Variants in NRIP3 observed in about 807,000 individuals in gnomAD.
NRIP3 encodes the protein nuclear receptor-interacting protein 3.
NRIP3 carries 31 observed loss-of-function variants against 29.0 expected under a neutral mutation model. The observed-to-expected ratio is 1.07, with a 90% confidence interval of 0.80 to 1.44. The LOEUF (loss-of-function observed/expected upper bound fraction) is 1.44, where lower values mean the gene tolerates loss of function less well. Among genes scored for constraint, NRIP3 ranks in the 40% most tolerant of loss-of-function variants. NRIP3 has a pLI of 0.00. For missense variants in NRIP3, 314 were observed against 297.9 expected, an observed-to-expected ratio of 1.05 and a Z score of -0.40; for synonymous variants, 131 against 118.3, an observed-to-expected ratio of 1.11 and a Z score of -0.70.
intron 1 of NRIP3, among the ~76,000 whole-genome samples, chr11:9,002,141 G>GACA (rs938242092): frequency 6.6e-6 from 1 of 152,130 alleles, no homozygotes; most frequent in Non-Finnish European, 1.5e-5. Context: ...GAAACTCCTC[G>GACA]ACAACGAGGG....
At position 8,982,965 on chromosome 11, in the gene NRIP3, T is replaced by A. The variant is rs1488823285; in HGVS notation, c.*580A>T. 1.3e-5 allele frequency: 6 copies of A among 456,604 alleles called. No homozygotes were observed. The highest frequency in any genetic ancestry group is 4.6e-5 in the South Asian group (3 of 64,564). 28.3% of individuals were successfully genotyped at this position (456,604 alleles called of 1,614,324 possible). A position where few individuals can be genotyped will look rare whatever the true frequency, so the allele number is the denominator to read the frequency against. On this transcript the variant is annotated 3_prime_UTR_variant, in exon 7 of 7. Transcript: ENST00000309166. ...GGTCCCTTCAGTCACTGACCTAATA[T>A]ATGAACTTAGACAATTCACTTGCCT...
chr11:9,000,822 AC>A (rs1854780730), intron 1 of NRIP3, among the ~76,000 whole-genome samples: 1 of 152,144 alleles, frequency 6.6e-6, no homozygotes, highest in Non-Finnish European at 1.5e-5. Flanking sequence ...TAATCCCAGC[AC>A]TTTGGGAGGC....
intron 1 of NRIP3, among the ~76,000 whole-genome samples, chr11:9,001,047 A>G (rs1392579500): frequency 2.0e-5 from 3 of 152,196 alleles, no homozygotes; most frequent in Non-Finnish European, 4.4e-5. Flanking sequence ...AGCCTGGGCA[A>G]TAGAGTGAGA....
intron 1 of NRIP3, among the ~76,000 whole-genome samples, chr11:8,991,321 A>G (rs1375130208): frequency 2.0e-5 from 3 of 152,236 alleles, no homozygotes; most frequent in Admixed American, 6.5e-5. Context: ...GGCATTTTCT[A>G]TGTCAATATA....
At chr11:8,992,402 T>C (rs1854621296) in intron 1 of NRIP3, among the ~76,000 whole-genome samples, 2 of 152,082 alleles carry the variant, frequency 1.3e-5, no homozygotes, top group Non-Finnish European at 2.9e-5. Context: ...AGTTTAAAGA[T>C]TGAAAGGGCC....
At chr11:8,984,248 G>T in intron 4 of NRIP3, 124 bp from the exon 5 acceptor site, 2 of 621,576 alleles carry the variant, frequency 3.2e-6, no homozygotes, top group Non-Finnish European at 5.6e-6. Context: ...TTGAGCATGT[G>T]TTATTTTTTT....
At chr11:9,001,005 G>A (rs1266808893) in intron 1 of NRIP3, among the ~76,000 whole-genome samples, 1 of 152,068 alleles carries the variant, frequency 6.6e-6, no homozygotes. Flanking sequence ...CGAGGTCGAG[G>A]CTGCAGTAAG....
intron 1 of NRIP3, among the ~76,000 whole-genome samples, chr11:8,990,564 T>A (rs1053457023): frequency 6.6e-6 from 1 of 152,066 alleles, no homozygotes; most frequent in Non-Finnish European, 1.5e-5. Context: ...GGCAGGCGGA[T>A]CTCTTGAGCT....
At position 9,003,802 on chromosome 11, in the gene NRIP3, G is replaced by T. The variant is rs767500355; in HGVS notation, c.134C>A (p.Pro45His). Residue 45 changes from proline to histidine, a missense_variant, in exon 1 of 7, where the codon CCC becomes CAC. Coordinates refer to ENST00000309166, the MANE Select transcript of NRIP3 (RefSeq NM_020645.3). ...GCCCAGCTTCTTGAGGCCGTCCAGG[G>T]GCAGCAGGTCGGCGGAGTCCTTGTG... ...FIHKDSADLL[P>H]LDGLKKLGSS... 7.3e-6 allele frequency: 11 copies of T among 1,508,204 alleles called. No individual in the cohort carries two copies. The East Asian group carries it at 2.3e-4, about 31-fold the overall frequency. 93.4% of individuals were successfully genotyped at this position (1,508,204 alleles called of 1,614,324 possible).
intron 4 of NRIP3, 33 bp downstream of exon 4, chr11:8,985,678 G>A: frequency 6.2e-7 from 1 of 1,604,326 alleles, no homozygotes; most frequent in South Asian, 1.1e-5. Flanking sequence ...GTTTCCGTTA[G>A]GGTCCATAGG....
chr11:8,990,564 T>C (rs1053457023), intron 1 of NRIP3, among the ~76,000 whole-genome samples: 1 of 152,066 alleles, frequency 6.6e-6, no homozygotes, highest in Admixed American at 6.6e-5. Context: ...GGCAGGCGGA[T>C]CTCTTGAGCT....
rs1406545321 is a variant in NRIP3, at chr11:9,003,903, G to A, written c.33C>T (p.Gly11=). Residue 11 remains glycine, a synonymous_variant, in exon 1 of 7, where the codon GGC becomes GGT. Coordinates refer to ENST00000309166, the MANE Select transcript of NRIP3 (RefSeq NM_020645.3). MFYSGLLTEG[G]RKETDMREAA... is the part of the protein sequence containing the mutation. ...CCTCCCGCATGTCGGTCTCCTTGCGGCCGCCCTCAGTGAGGAGCCCTGAGT... is the reference window on the plus strand; with the variant it reads ...CCTCCCGCATGTCGGTCTCCTTGCGACCGCCCTCAGTGAGGAGCCCTGAGT... 4.7e-5 allele frequency: 72 copies of A among 1,521,082 alleles called. No individual in the cohort carries two copies. The highest frequency in any genetic ancestry group is 2.3e-4 in the Middle Eastern group (1 of 4,306). The allele number at this position is 1,521,082 out of a possible 1,614,324, so 94.2% of individuals were successfully genotyped here. A position where few individuals can be genotyped will look rare whatever the true frequency, so the allele number is the denominator to read the frequency against.
chr11:8,992,796 C>G (rs1854630111), intron 1 of NRIP3, among the ~76,000 whole-genome samples: 1 of 152,078 alleles, frequency 6.6e-6, no homozygotes, highest in Admixed American at 6.6e-5. Flanking sequence ...TGCCTGTTAT[C>G]CCAGCTACTC....
intron 1 of NRIP3, among the ~76,000 whole-genome samples, chr11:8,996,041 A>AGTAG (rs1589963707): frequency 6.6e-6 from 1 of 152,218 alleles, no homozygotes; most frequent in Non-Finnish European, 1.5e-5. Context: ...TACAACTTAA[A>AGTAG]GTAGGTAGGT....
chr11:8,995,511 T>C (rs1029280064), intron 1 of NRIP3, among the ~76,000 whole-genome samples: 4 of 152,182 alleles, frequency 2.6e-5, no homozygotes, highest in Admixed American at 6.5e-5. Flanking sequence ...AAAAGTGATA[T>C]TGTACTCTGA....
intron 1 of NRIP3, among the ~76,000 whole-genome samples, chr11:8,998,299 C>A (rs1230875866): frequency 6.6e-6 from 1 of 152,212 alleles, no homozygotes; most frequent in Non-Finnish European, 1.5e-5. Flanking sequence ...CTGCCCCAGG[C>A]CTTCTGTGTT....
chr11:9,004,106 G>A (rs1854869791), upstream of NRIP3: 2 of 516,180 alleles, frequency 3.9e-6, no homozygotes, highest in East Asian at 3.6e-5. Flanking sequence ...CACGCCCCGC[G>A]CGGCTCCCTC....
rs1854511826 is a variant in NRIP3 at position 8,985,789 on chromosome 11, G to C, written c.484C>G (p.Leu162Val). The stretch of plus-strand genomic sequence containing the variant: ...TGCTCAATCTGGCCCACTACTTTGA[G>C]ATGCCGGGGTAGAGAAAGCTTTTCT... ...EGEKLSLPRH[L>V]KVVGQIEHLV... Residue 162 changes from leucine to valine, a missense_variant, in exon 4 of 7, where the codon CTC becomes GTC. Coordinates refer to ENST00000309166, the MANE Select transcript of NRIP3 (RefSeq NM_020645.3). 1 of 1,614,062 alleles carries C rather than the reference G, an allele frequency of 6.2e-7. No homozygotes were observed. The highest frequency in any genetic ancestry group is 8.5e-7 in the Non-Finnish European group (1 of 1,180,036).
rs1315177243 is a variant in NRIP3 at position 8,981,135 on chromosome 11, G to C, written c.*2410C>G. 6.6e-6 allele frequency: 1 copy of C among 152,192 alleles called. No individual in the cohort carries two copies. The highest frequency in any genetic ancestry group is 1.5e-5 in the Non-Finnish European group (1 of 68,060). 9.4% of individuals were successfully genotyped at this position (152,192 alleles called of 1,614,324 possible). On this transcript the variant is annotated 3_prime_UTR_variant, in exon 7 of 7. Transcript: ENST00000309166. ...AGTGCTCCCTCATGCACATCAAGGA[G>C]ATATGAGCTAGGAGAATAATCAACT...
Sources: gnomAD v4.1 joint callset for allele counts (sites outside exome capture counted in the v4.1 genomes callset) on GRCh38, gnomAD v4.1.1 for gene constraint, MANE v1.5 for transcripts, NCBI Gene and HGNC (gene_info 2026-07-23, HGNC 2026-07-21) for gene names.